The following KIR3DL3 variants were observed in gnomAD, a reference collection of about 807,000 sequenced individuals.
KIR3DL3 encodes killer cell immunoglobulin-like receptor 3DL3.
In KIR3DL3, 27 loss-of-function variants were observed where a neutral mutation model predicts 34.9. That is an observed-to-expected ratio of 0.77 (90% CI 0.57 to 1.07). The LOEUF is 1.07. KIR3DL3 is among the 50% of genes least tolerant of loss of function. The pLI, the probability that KIR3DL3 is intolerant of heterozygous loss-of-function variation, is 0.00. For synonymous variants in KIR3DL3, 217 were observed against 200.2 expected, an observed-to-expected ratio of 1.08 and a Z score of -0.71; for missense variants, 681 against 528.5, an observed-to-expected ratio of 1.29 and a Z score of -2.83.
At position 54,736,219 on chromosome 19, in the gene KIR3DL3, T is replaced by A. The variant is rs537445098; in HGVS notation, c.*123T>A. On this transcript the variant is annotated 3_prime_UTR_variant, in exon 8 of 8. Coordinates refer to ENST00000291860, the MANE Select transcript of KIR3DL3 (RefSeq NM_153443.5). ...CCTGTCTCAAAACCGGGTTGCCAGC[T>A]CCCATGTACCAGCAGCTGGACTCTG... 2 of 1,354,270 alleles carry A rather than the reference T, an allele frequency of 1.5e-6. No homozygotes were observed. Among genetic ancestry groups the A allele is most frequent in the Non-Finnish European group, 2.1e-6 (2 of 954,574 alleles). 83.9% of individuals were successfully genotyped at this position (1,354,270 alleles called of 1,614,324 possible).
intron 5 of KIR3DL3, among the ~76,000 whole-genome samples, chr19:54,732,150 C>T (rs1454326243): frequency 2.0e-5 from 3 of 151,856 alleles, no homozygotes; most frequent in Admixed American, 6.6e-5. Context: ...TGGGTAAATG[C>T]GAGGGCAGAG....
rs2069488092 is a variant in KIR3DL3, at chr19:54,735,810, T to C, written c.1055-10T>C. ...CTCCGAGCTGTTTTGACGACTTCCG[T>C]CTTCTACAGATGCTGTTGTAATGGA... On this transcript the variant is annotated splice_polypyrimidine_tract_variant and intron_variant, in intron 6 of 7. Transcript: ENST00000291860. 7 of 1,607,828 alleles carry C rather than the reference T, an allele frequency of 4.4e-6. No individual in the cohort carries two copies. Among genetic ancestry groups the C allele is most frequent in the Non-Finnish European group, 8.5e-7 (1 of 1,178,386 alleles).
At chr19:54,729,881 C>T (rs1382186795) in intron 5 of KIR3DL3, 95 bp downstream of exon 5, 41 of 1,210,298 alleles carry the variant, frequency 3.4e-5, no homozygotes, top group Non-Finnish European at 4.1e-5. Flanking sequence ...GGACAGATGC[C>T]GAGACAGAAC....
chr19:54,728,839 T>G (rs2068476969), intron 4 of KIR3DL3, among the ~76,000 whole-genome samples: 1 of 147,846 alleles, frequency 6.8e-6, no homozygotes, highest in Admixed American at 6.9e-5. Context: ...AGACAGATGA[T>G]AGATGGACAG....
At chr19:54,735,792 C>G in intron 6 of KIR3DL3, 28 bp from the exon 7 acceptor site, 1 of 1,607,302 alleles carries the variant, frequency 6.2e-7, no homozygotes, top group East Asian at 2.2e-5. Flanking sequence ...GCCCTCCGAG[C>G]TGTTTTGACG....
Position 54,726,167 on chromosome 19 carries a change from A to C in KIR3DL3, c.185A>C (p.Lys62Thr). Residue 62 changes from lysine to threonine, a missense_variant, in exon 3 of 8, where the codon AAA (lysine) becomes ACA (threonine). Lys to Thr is a moderately conservative substitution (Grantham distance 78). Transcript: ENST00000291860. ...RLGFNEFSLSKEDGMPVPELY... is the reference protein window; with the variant it reads ...RLGFNEFSLSTEDGMPVPELY... ...GGGTTTAATGAATTCAGTCTGTCCAAAGAAGACGGGATGCCTGTCCCTGAG... is the reference window on the plus strand; with the variant it reads ...GGGTTTAATGAATTCAGTCTGTCCACAGAAGACGGGATGCCTGTCCCTGAG... 1 of 1,613,168 alleles carries C rather than the reference A, an allele frequency of 6.2e-7. No individual in the cohort carries two copies. The highest frequency in any genetic ancestry group is 1.7e-5 in the Admixed American group (1 of 59,882).
chr19:54,734,547 A>G (rs2069220088), intron 5 of KIR3DL3, among the ~76,000 whole-genome samples: 1 of 151,750 alleles, frequency 6.6e-6, no homozygotes, highest in South Asian at 2.1e-4. Context: ...AAAGCACTGC[A>G]TGACGTCCTC....
At position 54,735,974 on chromosome 19, in the gene KIR3DL3, T is replaced by G; in HGVS notation, c.1111T>G (p.Ser371Ala). The change falls in exon 8 of 8, where the codon TCT becomes GCT. Residue 371 changes from serine to alanine, a missense_variant. Ser to Ala is a moderately conservative substitution (Grantham distance 99, BLOSUM62 1). Coordinates refer to ENST00000291860, the MANE Select transcript of KIR3DL3 (RefSeq NM_153443.5). Reference sequence around the variant, plus strand: ...CTCAGCATTTCCCTCCCTCCAGGACTCTGATGAACAAGACCCTCAGGAGGT... The same window carrying G: ...CTCAGCATTTCCCTCCCTCCAGGACGCTGATGAACAAGACCCTCAGGAGGT... ...AGNRTVNREDSDEQDPQEVTY... is the reference protein window; with the variant it reads ...AGNRTVNREDADEQDPQEVTY... 2 of 1,612,842 alleles carry G rather than the reference T, an allele frequency of 1.2e-6. No homozygotes were observed. The highest frequency in any genetic ancestry group is 1.1e-5 in the South Asian group (1 of 90,970).
intron 3 of KIR3DL3, among the ~76,000 whole-genome samples, chr19:54,726,842 C>T (rs1239293259): frequency 7.8e-6 from 1 of 127,808 alleles, no homozygotes; most frequent in East Asian, 2.1e-4. Flanking sequence ...GGAAACACAG[C>T]CCTGCAGATG....
At chr19:54,733,226 G>A (rs1234488296) in intron 5 of KIR3DL3, among the ~76,000 whole-genome samples, 6 of 151,942 alleles carry the variant, frequency 3.9e-5, no homozygotes, top group Non-Finnish European at 7.4e-5. Flanking sequence ...GCAAATGAAG[G>A]GACCTAGTAT....
intron 5 of KIR3DL3, among the ~76,000 whole-genome samples, chr19:54,733,552 T>TAATA (rs200642299): frequency 2.0e-5 from 3 of 151,210 alleles, no homozygotes; most frequent in Admixed American, 6.6e-5. Context: ...TACATAATTA[T>TAATA]GACACACAGA....
At chr19:54,726,450 A>C in intron 3 of KIR3DL3, 113 bp downstream of exon 3, 1 of 1,363,526 alleles carries the variant, frequency 7.3e-7, no homozygotes, top group Non-Finnish European at 9.9e-7. Context: ...ATTTGGGGTA[A>C]AGGGGGATTC....
chr19:54,733,435 A>G (rs2069057269), intron 5 of KIR3DL3, among the ~76,000 whole-genome samples: 1 of 152,148 alleles, frequency 6.6e-6, no homozygotes, highest in Non-Finnish European at 1.5e-5. Context: ...GGGAGGCTGA[A>G]GCAGAAGAAT....
Position 54,727,605 on chromosome 19 carries a change from T to C in KIR3DL3, c.356-6T>C. ...CGCCTTCTGAACTCACAACCTCTCT[T>C]CTTAGGAGTCCACAGAAAACCTTCC... On this transcript the variant is annotated splice_region_variant and splice_polypyrimidine_tract_variant and intron_variant, in intron 3 of 7. Transcript: ENST00000291860. 1 of 1,609,080 alleles carries C rather than the reference T, an allele frequency of 6.2e-7. No individual in the cohort carries two copies. The highest frequency in any genetic ancestry group is 8.5e-7 in the Non-Finnish European group (1 of 1,178,530).
At chr19:54,734,851 G>C (rs1339307492) in intron 5 of KIR3DL3, among the ~76,000 whole-genome samples, 1 of 130,608 alleles carries the variant, frequency 7.7e-6, no homozygotes, top group Non-Finnish European at 1.7e-5. Context: ...AAGGGGGAGG[G>C]GGAGCGATGG....
At chr19:54,733,738 C>G (rs2069094321) in intron 5 of KIR3DL3, among the ~76,000 whole-genome samples, 1 of 152,168 alleles carries the variant, frequency 6.6e-6, no homozygotes, top group Non-Finnish European at 1.5e-5. Context: ...AGCACAGGTC[C>G]TGGAATAGAG....
At chr19:54,729,396 T>TA (rs560463799) in intron 4 of KIR3DL3, 97 bp from the exon 5 acceptor site, 2 of 1,231,582 alleles carry the variant, frequency 1.6e-6, no homozygotes, top group Non-Finnish European at 2.2e-6. Flanking sequence ...AAGAGAGCAT[T>TA]AAGTCATAGA....
rs1280593798 is a variant in KIR3DL3 at position 54,724,479 on chromosome 19, G to C, written c.-18G>C. The C allele has an allele frequency of 2.5e-6, 4 of 1,613,112 alleles. No individual in the cohort carries two copies. Among genetic ancestry groups the C allele is most frequent in the Non-Finnish European group, 2.5e-6 (3 of 1,179,980 alleles). ...GAACTGAGCTGGGGCGCAGCCGCCT[G>C]TCTGCACCGGCAGCACCATGTCGCT... On this transcript the variant is annotated 5_prime_UTR_variant, in exon 1 of 8. Transcript: ENST00000291860.
intron 2 of KIR3DL3, 126 bp downstream of exon 2, chr19:54,725,408 C>A: frequency 1.3e-5 from 10 of 787,418 alleles, no homozygotes; most frequent in Non-Finnish European, 2.0e-5. Flanking sequence ...GGGAATCTCT[C>A]ATGAACTAGG....
Sources: allele counts gnomAD v4.1 joint callset (sites outside exome capture counted in the v4.1 genomes callset), GRCh38; gene constraint gnomAD v4.1.1; transcripts MANE v1.5; gene names NCBI Gene and HGNC (gene_info 2026-07-23, HGNC 2026-07-21).